FGF14: variants seen among roughly 807,000 people sequenced by gnomAD.
FGF14 encodes the protein fibroblast growth factor homologous factor 4.
In FGF14, 5 loss-of-function variants were observed where a neutral mutation model predicts 25.5. That is an observed-to-expected ratio of 0.20 (90% confidence interval 0.10 to 0.41). The LOEUF (loss-of-function observed/expected upper bound fraction) is 0.41. FGF14 is among the 10% of genes least tolerant of loss of function. The pLI, the probability that FGF14 is intolerant of heterozygous loss-of-function variation, is 1.00. For synonymous variants in FGF14, 138 were observed against 118.3 expected, an observed-to-expected ratio of 1.17 and a Z score of -1.08; for missense variants, 222 against 320.1, an observed-to-expected ratio of 0.69 and a Z score of 2.34.
chr13:101,868,897 CTGATT>C, intron 2 of FGF14, 69 bp from the exon 3 acceptor site: 1 of 1,000,462 alleles, frequency 1.0e-6, no homozygotes, highest in East Asian at 2.4e-5. Context: ...TTTTTTCTTT[CTGATT>C]TATTTTATTT....
chr13:101,860,261 G>A (rs1170896536), intron 3 of FGF14, among the ~76,000 whole-genome samples: 1 of 152,016 alleles, frequency 6.6e-6, no homozygotes, highest in Non-Finnish European at 1.5e-5. Context: ...CCATCTTGGT[G>A]CTCGAGGAGA....
At chr13:101,873,785 A>G (rs1169891338) in intron 2 of FGF14, among the ~76,000 whole-genome samples, 1 of 152,128 alleles carries the variant, frequency 6.6e-6, no homozygotes, top group Non-Finnish European at 1.5e-5. Context: ...GCAAAAGTAC[A>G]TGTTTGGCAT....
Position 102,198,707 on chromosome 13 carries a change from T to G in FGF14, c.208+202764A>C, listed in dbSNP as rs1044950917. ...ATATTGCACTTGGAATTGACTGTCATTTAAATATTGAGAGGAAATCTGCCA... is the reference window on the plus strand; with the variant it reads ...ATATTGCACTTGGAATTGACTGTCAGTTAAATATTGAGAGGAAATCTGCCA... On this transcript the variant is annotated intron_variant, in intron 1 of 4. Transcript: ENST00000376131. Among the ~76,000 whole-genome samples the G allele has an allele frequency of 2.0e-5, 3 of 152,162 alleles. No individual in the cohort carries two copies. The South Asian group carries it at 6.2e-4, about 32-fold the overall frequency.
chr13:102,159,396 C>T (rs1179122443), intron 1 of FGF14, among the ~76,000 whole-genome samples: 2 of 152,078 alleles, frequency 1.3e-5, no homozygotes, highest in African/African-American at 2.4e-5. Context: ...ATAGCAAACA[C>T]GGCATCAGTA....
intron 1 of FGF14, among the ~76,000 whole-genome samples, chr13:102,081,275 C>T (rs1284135017): frequency 6.6e-6 from 1 of 152,164 alleles, no homozygotes; most frequent in African/African-American, 2.4e-5. Context: ...TGCCTTTGGG[C>T]ACAAATCCCT....
At chr13:101,852,069 T>C (rs1452170269) in intron 3 of FGF14, among the ~76,000 whole-genome samples, 1 of 152,054 alleles carries the variant, frequency 6.6e-6, no homozygotes, top group Admixed American at 6.6e-5. Context: ...ACTTTCCCAG[T>C]GGAAGATTAG....
At chr13:102,007,367 C>T (rs79393068) in intron 1 of FGF14, among the ~76,000 whole-genome samples, 1,601 of 152,254 alleles carry the variant, frequency 0.011, 31 homozygotes, top group African/African-American at 0.036. Flanking sequence ...GTATGGTCAG[C>T]AAGTTGCATT....
intron 1 of FGF14, among the ~76,000 whole-genome samples, chr13:102,100,549 T>C (rs2044613528): frequency 6.6e-6 from 1 of 152,182 alleles, no homozygotes; most frequent in South Asian, 2.1e-4. Flanking sequence ...TGACCAATGA[T>C]CAGAACTATC....
chr13:102,357,434 A>G (rs2057450644), intron 1 of FGF14, among the ~76,000 whole-genome samples: 1 of 152,180 alleles, frequency 6.6e-6, no homozygotes, highest in Admixed American at 6.5e-5. Flanking sequence ...CAGAAATAAC[A>G]GAATAAGAAC....
chr13:102,181,165 A>T (rs1365784331), intron 1 of FGF14, among the ~76,000 whole-genome samples: 2 of 152,154 alleles, frequency 1.3e-5, no homozygotes, highest in East Asian at 3.9e-4. Context: ...ATCTCAATTA[A>T]ACAGAATGTT....
chr13:102,364,107 A>T (rs1213650143), intron 1 of FGF14, among the ~76,000 whole-genome samples: 1 of 152,218 alleles, frequency 6.6e-6, no homozygotes, highest in Non-Finnish European at 1.5e-5. Flanking sequence ...CTTTTTTATT[A>T]TAAGGAAGAT....
Position 101,718,746 on chromosome 13 carries a change from C to T in FGF14, c.*4085G>A, listed in dbSNP as rs1445530584. ...CCTCAAATGCAAACACAATCTCTGC[C>T]AGTAGACATTGGAATTAGACTTAGT... On this transcript the variant is annotated 3_prime_UTR_variant, in exon 5 of 5. Transcript: ENST00000376143. 2 of 150,534 alleles carry T rather than the reference C, an allele frequency of 1.3e-5. No homozygotes were observed. Among genetic ancestry groups the T allele is most frequent in the African/African-American group, 4.9e-5 (2 of 40,864 alleles). 9.3% of individuals were successfully genotyped at this position (150,534 alleles called of 1,614,324 possible). A position where few individuals can be genotyped will look rare whatever the true frequency, so the allele number is the denominator to read the frequency against.
chr13:101,948,527 C>T (rs1389368254), intron 1 of FGF14, among the ~76,000 whole-genome samples: 2 of 150,932 alleles, frequency 1.3e-5, no homozygotes, highest in Non-Finnish European at 3.0e-5. Flanking sequence ...ATGGGAAGAG[C>T]AGACTTCTAG....
intron 1 of FGF14, among the ~76,000 whole-genome samples, chr13:102,082,936 A>C (rs2607648): frequency 0.13 from 19,325 of 151,938 alleles, 1,820 homozygotes; most frequent in African/African-American, 0.27. Context: ...CCAGCCTGGG[A>C]GACAGAGTGA....
At chr13:102,192,152 A>T (rs2049151880) in intron 1 of FGF14, among the ~76,000 whole-genome samples, 3 of 152,190 alleles carry the variant, frequency 2.0e-5, no homozygotes, top group Admixed American at 2.0e-4. Context: ...GCCACAAAGG[A>T]CACTGACCTG....
chr13:101,976,099 T>G (rs901924562), intron 1 of FGF14, among the ~76,000 whole-genome samples: 7 of 144,866 alleles, frequency 4.8e-5, no homozygotes, highest in African/African-American at 1.8e-4. Context: ...AGCAGAGAGT[T>G]ATACAATATG....
chr13:102,108,222 T>A (rs143587187), intron 1 of FGF14, among the ~76,000 whole-genome samples: 287 of 152,286 alleles, frequency 1.9e-3, no homozygotes, highest in African/African-American at 6.6e-3. Flanking sequence ...TTGGAGAAAA[T>A]CAGTACAATT....
chr13:102,036,837 A>G (rs2041500089), intron 1 of FGF14, among the ~76,000 whole-genome samples: 1 of 152,170 alleles, frequency 6.6e-6, no homozygotes. Context: ...AAGAATATTA[A>G]CTTAGAGAAA....
At chr13:101,911,273 C>T (rs1233059739) in intron 1 of FGF14, among the ~76,000 whole-genome samples, 1 of 151,974 alleles carries the variant, frequency 6.6e-6, no homozygotes, top group Non-Finnish European at 1.5e-5. Context: ...TGAAGTGAAG[C>T]CCGTAATTGA....
Sources: gnomAD v4.1 joint callset for allele counts (sites outside exome capture counted in the v4.1 genomes callset) on GRCh38, gnomAD v4.1.1 for gene constraint, MANE v1.5 for transcripts, NCBI Gene and HGNC (gene_info 2026-07-23, HGNC 2026-07-21) for gene names.